TNRC6C: variants seen among roughly 807,000 people sequenced by gnomAD.
The protein encoded by TNRC6C is trinucleotide repeat containing adaptor 6C.
Under a neutral mutation model 153.7 loss-of-function variants are expected in TNRC6C, and 20 were observed. The ratio of observed to expected loss-of-function variants is 0.13; its 90% CI spans 0.09 to 0.19. The LOEUF (loss-of-function observed/expected upper bound fraction) is 0.19. Ranked by LOEUF, TNRC6C falls within the 10% of genes least tolerant of loss-of-function variation. TNRC6C has a pLI of 1.00. For missense variants in TNRC6C, 1,987 were observed against 2,172.0 expected, an observed-to-expected ratio of 0.91 and a Z score of 1.69; for synonymous variants, 811 against 841.4, an observed-to-expected ratio of 0.96 and a Z score of 0.63.
intron 3 of TNRC6C, among the ~76,000 whole-genome samples, chr17:78,054,811 A>G (rs770036392): frequency 4.6e-4 from 70 of 152,118 alleles, no homozygotes; most frequent in Non-Finnish European, 8.5e-4. Context: ...ACTATACACC[A>G]CTGCAGACTA....
chr17:78,076,091 C>A (rs540326935), intron 8 of TNRC6C, among the ~76,000 whole-genome samples: 49 of 152,098 alleles, frequency 3.2e-4, no homozygotes, highest in Middle Eastern at 6.8e-3. Flanking sequence ...TGGCACACGC[C>A]TGTGAACCCA....
At chr17:78,060,986 C>T (rs924928584) in intron 3 of TNRC6C, among the ~76,000 whole-genome samples, 1 of 152,146 alleles carries the variant, frequency 6.6e-6, no homozygotes, top group Non-Finnish European at 1.5e-5. Flanking sequence ...CATTTTTATA[C>T]CCAGCTTCCA....
chr17:78,108,725 C>T (rs143792591), exon 20 of TNRC6C: 21 of 154,088 alleles, frequency 1.4e-4, no homozygotes, highest in African/African-American at 4.8e-4. Context: ...CATTTCCACC[C>T]ATGGGTGAAA....
At chr17:78,093,823 G>A (rs1389857951) in intron 16 of TNRC6C, 60 bp downstream of exon 18, 2 of 1,594,672 alleles carry the variant, frequency 1.3e-6, no homozygotes, top group Admixed American at 1.7e-5. Flanking sequence ...ATTTGGAGAT[G>A]TCAGGGGTGA....
At chr17:78,070,052 AAT>A (rs2072962282) in intron 5 of TNRC6C, among the ~76,000 whole-genome samples, 1 of 152,224 alleles carries the variant, frequency 6.6e-6, no homozygotes, top group Non-Finnish European at 1.5e-5. Context: ...TGTTCAAAAA[AAT>A]ATAGTTTATA....
At chr17:78,008,631 A>G (rs1304179621) in intron 1 of TNRC6C, 2 of 152,142 alleles carry the variant, frequency 1.3e-5, no homozygotes, top group African/African-American at 2.4e-5. Flanking sequence ...CTGCACTCCT[A>G]AGGAGTCTGG....
At chr17:77,979,086 C>T (rs1241560442) in intron 1 of TNRC6C, among the ~76,000 whole-genome samples, 1 of 151,976 alleles carries the variant, frequency 6.6e-6, no homozygotes, top group East Asian at 1.9e-4. Flanking sequence ...CAGACATGGA[C>T]CTTAAGGTAA....
chr17:78,001,366 T>G (rs746436988), upstream of TNRC6C, among the ~76,000 whole-genome samples: 8 of 152,190 alleles, frequency 5.3e-5, no homozygotes, highest in Non-Finnish European at 1.2e-4. Flanking sequence ...CCGTTGCTAC[T>G]GAAACATAAG....
At chr17:78,067,729 G>A (rs2072910311) in intron 4 of TNRC6C, 28 bp from the exon 7 acceptor site, 9 of 1,572,660 alleles carry the variant, frequency 5.7e-6, no homozygotes, top group Non-Finnish European at 7.7e-6. Context: ...ACATGAATTT[G>A]ATAAGTTCAT....
intron 3 of TNRC6C, among the ~76,000 whole-genome samples, chr17:78,058,402 A>G (rs746873316): frequency 6.6e-6 from 1 of 152,232 alleles, no homozygotes; most frequent in Non-Finnish European, 1.5e-5. Flanking sequence ...AACATTGAAT[A>G]TTAATTAACA....
At position 78,091,049 on chromosome 17, in the gene TNRC6C, C is replaced by G. The variant is rs569879765; in HGVS notation, c.3803-391C>G. 2.0e-5 allele frequency among the ~76,000 whole-genome samples: 3 copies of G among 152,288 alleles called. No individual in the cohort carries two copies. In the East Asian group the frequency reaches 5.8e-4, roughly 29 times the overall value. ...GGACCATGTTTATTCAGCACTGAAA[C>G]AAGTAAAATGAAGAGAATTGTGGGC... On this transcript the variant is annotated intron_variant, in intron 13 of 19. Coordinates refer to ENST00000301624, the Ensembl canonical transcript of TNRC6C.
intron 1 of TNRC6C, among the ~76,000 whole-genome samples, chr17:78,029,623 A>AT (rs869099092): frequency 6.6e-6 from 1 of 151,942 alleles, no homozygotes; most frequent in Non-Finnish European, 1.5e-5. Context: ...ACTTAAAAAA[A>AT]TTTTTTTTCA....
At chr17:78,016,098 G>T (rs527244972) in intron 1 of TNRC6C, among the ~76,000 whole-genome samples, 27 of 152,184 alleles carry the variant, frequency 1.8e-4, no homozygotes, top group Non-Finnish European at 3.7e-4. Flanking sequence ...CTTCAGAAAT[G>T]ACTCCCCAAA....
chr17:78,087,529 C>T (rs2073318576), intron 13 of TNRC6C, among the ~76,000 whole-genome samples: 1 of 152,024 alleles, frequency 6.6e-6, no homozygotes, highest in African/African-American at 2.4e-5. Flanking sequence ...CCAGTCAGAG[C>T]CCCCAAAATC....
intron 1 of TNRC6C, among the ~76,000 whole-genome samples, chr17:77,979,198 G>A (rs1412961538): frequency 6.6e-6 from 1 of 152,156 alleles, no homozygotes; most frequent in Non-Finnish European, 1.5e-5. Flanking sequence ...ATTGAAAAGT[G>A]CAATATAGGG....
At chr17:77,962,431 G>T (rs576099387) in intron 1 of TNRC6C, among the ~76,000 whole-genome samples, 1 of 152,154 alleles carries the variant, frequency 6.6e-6, no homozygotes, top group Admixed American at 6.5e-5. Flanking sequence ...AGGCTGTCCC[G>T]TATACCAAAG....
chr17:77,979,895 C>T (rs1246690104), intron 1 of TNRC6C, among the ~76,000 whole-genome samples: 1 of 152,124 alleles, frequency 6.6e-6, no homozygotes, highest in Non-Finnish European at 1.5e-5. Flanking sequence ...AAATGGAAAT[C>T]AAAATACAGT....
At chr17:78,098,401 C>T (rs763041039) in exon 17 of TNRC6C, 25 of 1,613,734 alleles carry the variant, frequency 1.5e-5, no homozygotes. Flanking sequence ...ACACGCAAGC[C>T]TCTCTGTCTC....
chr17:78,024,468 G>A (rs1483441777), intron 1 of TNRC6C, among the ~76,000 whole-genome samples: 2 of 151,430 alleles, frequency 1.3e-5, no homozygotes, highest in East Asian at 2.0e-4. Context: ...CCAGGTTCAC[G>A]CCATTCTCCT....
Sources: allele counts gnomAD v4.1 joint callset (sites outside exome capture counted in the v4.1 genomes callset), GRCh38; gene constraint gnomAD v4.1.1; transcripts MANE v1.5; gene names NCBI Gene and HGNC (gene_info 2026-07-23, HGNC 2026-07-21).